MAP3K15: variants seen among roughly 807,000 people sequenced by gnomAD.
MAP3K15 encodes mitogen-activated protein kinase kinase kinase 15.
A neutral mutation model predicts 99.5 loss-of-function variants in MAP3K15; 124 were observed. That is an observed-to-expected ratio of 1.25 (90% CI 1.08 to 1.45). MAP3K15 has a LOEUF of 1.45. MAP3K15 is among the 40% of genes most tolerant of loss of function. MAP3K15 has a pLI of 0.00. For missense variants in MAP3K15, 1,242 were observed against 1,079.7 expected (o/e 1.15, Z -2.11); for synonymous variants, 494 against 439.6 (o/e 1.12, Z -1.55).
intron 15 of MAP3K15, 26 bp from the exon 16 acceptor site, chrX:19,395,234 C>A: frequency 8.3e-7 from 1 of 1,197,776 alleles, no homozygotes; most frequent in South Asian, 1.8e-5. Flanking sequence ...GAGCCAGGGT[C>A]ACCTGCCAAA....
At chrX:19,508,970 CT>C (rs1282750597) in intron 1 of MAP3K15, among the ~76,000 whole-genome samples, 1 of 111,685 alleles carries the variant, frequency 9.0e-6, no homozygotes, top group African/African-American at 3.3e-5. Context: ...TGCCCTGCCC[CT>C]CTCAGCCCAC....
chrX:19,394,689 A>G (rs995951448), intron 16 of MAP3K15, among the ~76,000 whole-genome samples: 15 of 109,727 alleles, frequency 1.4e-4, no homozygotes, highest in Non-Finnish European at 1.9e-4. Context: ...CAGTCAATGA[A>G]TATTTGTGGG....
At chrX:19,503,716 C>T (rs1432683336) in intron 1 of MAP3K15, among the ~76,000 whole-genome samples, 3 of 110,588 alleles carry the variant, frequency 2.7e-5, no homozygotes, top group African/African-American at 6.6e-5. Flanking sequence ...TGTGAGCCAT[C>T]ACACCCGGCC....
intron 3 of MAP3K15, among the ~76,000 whole-genome samples, chrX:19,484,769 T>A (rs766200372): frequency 2.7e-5 from 3 of 112,493 alleles, no homozygotes; most frequent in African/African-American, 9.7e-5. Flanking sequence ...AAATCCAGGT[T>A]ACATCTTTTT....
intron 19 of MAP3K15, among the ~76,000 whole-genome samples, chrX:19,375,249 GTCCTCTAAGGATACTCAAAGGCA>G (rs2063409074): frequency 8.9e-6 from 1 of 112,247 alleles, no homozygotes; most frequent in South Asian, 3.7e-4. Flanking sequence ...AGGGCGGCAT[GTCCTCTAAGGATACTCAAAGGCA>G]TCTGTTACCT....
intron 6 of MAP3K15, among the ~76,000 whole-genome samples, chrX:19,453,998 A>G (rs2064075208): frequency 1.8e-5 from 2 of 111,413 alleles, no homozygotes; most frequent in Non-Finnish European, 3.8e-5. Flanking sequence ...ACAAGCATGC[A>G]GCCCCTCTGG....
chrX:19,463,056 T>C (rs1305112497), intron 4 of MAP3K15, among the ~76,000 whole-genome samples: 1 of 111,967 alleles, frequency 8.9e-6, no homozygotes, highest in African/African-American at 3.2e-5. Context: ...CTTGAAAATA[T>C]GGTATTGGGA....
intron 1 of MAP3K15, among the ~76,000 whole-genome samples, chrX:19,502,260 CA>C (rs2064445618): frequency 9.1e-6 from 1 of 110,337 alleles, no homozygotes; most frequent in Non-Finnish European, 1.9e-5. Flanking sequence ...CTGTGTCCCC[CA>C]CACCTCATCT....
chrX:19,429,756 A>AAGGAAGAG (rs2063863735), intron 7 of MAP3K15, among the ~76,000 whole-genome samples: 1 of 70,503 alleles, frequency 1.4e-5, no homozygotes, highest in Non-Finnish European at 2.7e-5. Context: ...GTGTGTATGA[A>AAGGAAGAG]AGGAAGAGAG....
chrX:19,410,082 A>AT (rs1292540727), intron 11 of MAP3K15, 109 bp from the exon 12 acceptor site: 13 of 589,057 alleles, frequency 2.2e-5, no homozygotes, highest in African/African-American at 6.7e-5. Flanking sequence ...TGCAGTGGTG[A>AT]TTTTTTTACG....
intron 6 of MAP3K15, among the ~76,000 whole-genome samples, chrX:19,446,942 G>T (rs767351426): frequency 1.3e-4 from 14 of 110,663 alleles, no homozygotes; most frequent in African/African-American, 4.6e-4. Flanking sequence ...TTGAGACAGG[G>T]CCTGGCTCTG....
intron 11 of MAP3K15, among the ~76,000 whole-genome samples, chrX:19,412,395 T>C (rs924740754): frequency 8.9e-6 from 1 of 112,103 alleles, no homozygotes; most frequent in Non-Finnish European, 1.9e-5. Flanking sequence ...ATACAGGCAA[T>C]TGGTAGCCTA....
At chrX:19,513,243 G>A (rs756083188) in intron 1 of MAP3K15, among the ~76,000 whole-genome samples, 1 of 110,990 alleles carries the variant, frequency 9.0e-6, no homozygotes. Context: ...AGGGCCCCCC[G>A]TACACACACA....
intron 1 of MAP3K15, among the ~76,000 whole-genome samples, chrX:19,491,965 C>T (rs192595582): frequency 0.018 from 1,968 of 107,861 alleles, 44 homozygotes; most frequent in African/African-American, 0.053. Flanking sequence ...GGATTACAGG[C>T]GTTAGCCACT....
At chrX:19,384,201 G>A (rs2063478782) in intron 18 of MAP3K15, among the ~76,000 whole-genome samples, 1 of 111,298 alleles carries the variant, frequency 9.0e-6, no homozygotes, top group Non-Finnish European at 1.9e-5. Flanking sequence ...GGATGGAACT[G>A]GAGATCATTA....
chrX:19,372,618 G>A (rs369421437), intron 22 of MAP3K15, 35 bp downstream of exon 22: 25 of 1,173,645 alleles, frequency 2.1e-5, no homozygotes, highest in Non-Finnish European at 2.6e-5. Context: ...GGCAGAGGGA[G>A]CGGGAAGAGT....
chrX:19,473,670 C>CACT (rs1274892080), intron 3 of MAP3K15, among the ~76,000 whole-genome samples: 1 of 111,685 alleles, frequency 9.0e-6, no homozygotes, highest in Admixed American at 9.5e-5. Flanking sequence ...AAGGAAAAGC[C>CACT]ACTAGTCTCT....
chrX:19,464,333 T>A lies in MAP3K15; in HGVS notation c.599A>T (p.Asp200Val). ...PCADYFCCES[D>V]AQRRASEYMQ... ...GTACTCGGAGGCTCGTCTCTGGGCA[T>A]CACTCTCGCAGCAAAAATAATCAGC... The change falls in exon 4 of 29, where the codon GAT becomes GTT. Residue 200 changes from aspartate to valine, a missense_variant. By Grantham distance (152) the Asp-to-Val change is radical. Transcript: ENST00000338883. The A allele has an allele frequency of 8.3e-7, 1 of 1,198,995 alleles. No individual in the cohort carries two copies. The highest frequency in any genetic ancestry group is 1.1e-6 in the Non-Finnish European group (1 of 894,231).
In MAP3K15 at chrX:19,410,960, G is replaced by A. The variant is rs147420056; in HGVS notation, c.1699-987C>T. Among the ~76,000 whole-genome samples, 324 of 111,225 alleles carry A rather than the reference G, an allele frequency of 2.9e-3. 1 individual carries two copies. Among genetic ancestry groups the A allele is most frequent in the African/African-American group, 8.6e-3 (264 of 30,628 alleles). ...CTCTGGGAGGCCGAGGTGTGGGGGC[G>A]ATCACTTGAGGTCAGGAGTTCGAGA... On this transcript the variant is annotated intron_variant, in intron 11 of 28. Coordinates refer to ENST00000338883, the MANE Select transcript of MAP3K15 (RefSeq NM_001001671.4).
Sources: allele counts gnomAD v4.1 joint callset (sites outside exome capture counted in the v4.1 genomes callset), GRCh38; gene constraint gnomAD v4.1.1; transcripts MANE v1.5; gene names NCBI Gene and HGNC (gene_info 2026-07-23, HGNC 2026-07-21).